Variants in INO80C observed in about 807,000 individuals in gnomAD.
INO80C encodes the protein IES6 homolog.
A neutral mutation model predicts 17.7 loss-of-function variants in INO80C; 17 were observed. That is an observed-to-expected ratio of 0.96 (90% CI 0.66 to 1.44). INO80C has a LOEUF of 1.44. Among genes scored for constraint, INO80C ranks in the 40% most tolerant of loss-of-function variants. The pLI is 0.00. For synonymous variants in INO80C, 96 were observed against 95.8 expected (o/e 1.00, Z -0.01); for missense variants, 244 against 245.0 (o/e 1.00, Z 0.03).
intron 4 of INO80C, among the ~76,000 whole-genome samples, chr18:35,477,407 C>T (rs1052283202): frequency 2.6e-5 from 4 of 152,054 alleles, no homozygotes; most frequent in Admixed American, 6.6e-5. Flanking sequence ...AATTCTCCTC[C>T]GTACATAATT....
intron 3 of INO80C, 26 bp downstream of exon 3, chr18:35,479,274 C>T: frequency 7.2e-7 from 1 of 1,392,248 alleles, no homozygotes; most frequent in South Asian, 1.2e-5. Flanking sequence ...ACATTACAAA[C>T]ACATGGAAGG....
intron 1 of INO80C, among the ~76,000 whole-genome samples, chr18:35,485,232 CA>C (rs371505763): frequency 7.9e-4 from 120 of 152,054 alleles, no homozygotes; most frequent in Middle Eastern, 3.4e-3. Context: ...TAACAGCACC[CA>C]AAAAATGATA....
At chr18:35,473,395 C>T (rs1200117897) in intron 4 of INO80C, among the ~76,000 whole-genome samples, 1 of 152,188 alleles carries the variant, frequency 6.6e-6, no homozygotes, top group Non-Finnish European at 1.5e-5. Context: ...GTGACAATTT[C>T]CTGACCATGG....
chr18:35,484,010 T>C (rs750486309), intron 1 of INO80C, among the ~76,000 whole-genome samples: 18 of 152,146 alleles, frequency 1.2e-4, no homozygotes, highest in Non-Finnish European at 1.9e-4. Flanking sequence ...TTCACTTGTG[T>C]TTCAAATAAC....
At chr18:35,496,904 TA>T (rs958833723) in intron 1 of INO80C, 1 of 152,164 alleles carries the variant, frequency 6.6e-6, no homozygotes, top group African/African-American at 2.4e-5. Context: ...TATTTAATAT[TA>T]AAAGGTTAAA....
intron 1 of INO80C, 66 bp downstream of exon 1, chr18:35,497,653 T>C: frequency 6.4e-7 from 1 of 1,550,980 alleles, no homozygotes; most frequent in Non-Finnish European, 8.7e-7. Context: ...GCGCCCTGGC[T>C]CGGCTCCGCC....
chr18:35,485,593 G>T (rs1030394172), intron 1 of INO80C, among the ~76,000 whole-genome samples: 8 of 151,960 alleles, frequency 5.3e-5, no homozygotes, highest in African/African-American at 1.7e-4. Flanking sequence ...TACATTGCTG[G>T]TAAGAACGTA....
intron 4 of INO80C, among the ~76,000 whole-genome samples, chr18:35,474,048 C>T (rs1271552548): frequency 6.6e-6 from 1 of 150,996 alleles, no homozygotes; most frequent in Non-Finnish European, 1.5e-5. Context: ...AAATGTGACG[C>T]ACAGTTAAGA....
chr18:35,496,554 A>T (rs2045983224), intron 1 of INO80C, among the ~76,000 whole-genome samples: 1 of 152,110 alleles, frequency 6.6e-6, no homozygotes, highest in South Asian at 2.1e-4. Flanking sequence ...CTGGATCTGT[A>T]GTTTTGTTTT....
chr18:35,479,621 C>T (rs2045781173), intron 2 of INO80C, among the ~76,000 whole-genome samples: 1 of 151,942 alleles, frequency 6.6e-6, no homozygotes, highest in Admixed American at 6.6e-5. Context: ...TGTCAAAACC[C>T]TTGAGTTAGT....
At position 35,468,366 on chromosome 18, in the gene INO80C, G is replaced by A; in HGVS notation, c.*245C>T. 1 of 1,340,838 alleles carries A rather than the reference G, an allele frequency of 7.5e-7. No homozygotes were observed. Among genetic ancestry groups the A allele is most frequent in the Non-Finnish European group, 9.6e-7 (1 of 1,043,606 alleles). 83.1% of individuals were successfully genotyped at this position (1,340,838 alleles called of 1,614,324 possible). On this transcript the variant is annotated 3_prime_UTR_variant, in exon 5 of 5. Coordinates refer to ENST00000334598, the MANE Select transcript of INO80C (RefSeq NM_194281.4). ...AAGTATGGTTTTATTGTATCTTCTT[G>A]TCAAACACCTTTACTTGAGGCAACA...
intron 1 of INO80C, among the ~76,000 whole-genome samples, chr18:35,494,076 C>T (rs1024084012): frequency 6.6e-6 from 1 of 152,218 alleles, no homozygotes; most frequent in Non-Finnish European, 1.5e-5. Flanking sequence ...GTCCCTCTGC[C>T]TCCCTACCTC....
At chr18:35,483,634 G>A (rs945116273) in intron 1 of INO80C, 2 of 152,210 alleles carry the variant, frequency 1.3e-5, no homozygotes, top group Admixed American at 1.3e-4. Context: ...ACTGATCAAT[G>A]TTAAGGAACA....
chr18:35,481,034 T>C (rs571902424), intron 1 of INO80C, among the ~76,000 whole-genome samples: 29 of 152,298 alleles, frequency 1.9e-4, no homozygotes, highest in African/African-American at 6.7e-4. Context: ...CCACTGATCT[T>C]ATGAACTCTG....
chr18:35,489,942 T>C (rs1343848075), intron 1 of INO80C, among the ~76,000 whole-genome samples: 1 of 151,882 alleles, frequency 6.6e-6, no homozygotes, highest in Non-Finnish European at 1.5e-5. Context: ...ACTGTCCTTA[T>C]GTAAGAGAAT....
chr18:35,493,947 AT>A (rs1159625502), intron 1 of INO80C, among the ~76,000 whole-genome samples: 1 of 152,220 alleles, frequency 6.6e-6, no homozygotes, highest in Non-Finnish European at 1.5e-5. Context: ...ACAATCATTT[AT>A]AGAAAAACAC....
chr18:35,492,485 A>G (rs1297578108), intron 1 of INO80C, among the ~76,000 whole-genome samples: 1 of 152,224 alleles, frequency 6.6e-6, no homozygotes, highest in African/African-American at 2.4e-5. Flanking sequence ...TAGAAAACAC[A>G]AATTATAATA....
chr18:35,476,239 G>A (rs1263564087), intron 4 of INO80C, among the ~76,000 whole-genome samples: 1 of 152,188 alleles, frequency 6.6e-6, no homozygotes, highest in Non-Finnish European at 1.5e-5. Flanking sequence ...TACCTGACTA[G>A]TGCTCCTTAA....
Position 35,480,508 on chromosome 18 carries a change from G to A in INO80C, c.212C>T (p.Thr71Ile), listed in dbSNP as rs1224120999. 1 of 1,613,990 alleles carries A rather than the reference G, an allele frequency of 6.2e-7. No homozygotes were observed. The highest frequency in any genetic ancestry group is 1.7e-5 in the Admixed American group (1 of 60,006). ...TTTGGCAGCTTTTTCCACAGGTCCT[G>A]TGCTAAACTCAGAGGGCACCATTTT... ...ENKMVPSEFS[T>I]GPVEKAAKPL... Residue 71 changes from threonine to isoleucine, a missense_variant, in exon 2 of 5, where the codon ACA becomes ATA. By Grantham distance (89) the Thr-to-Ile change is moderately conservative (BLOSUM62 -1). Transcript: ENST00000334598.
Sources: allele counts gnomAD v4.1 joint callset (sites outside exome capture counted in the v4.1 genomes callset), GRCh38; gene constraint gnomAD v4.1.1; transcripts MANE v1.5; gene names NCBI Gene and HGNC (gene_info 2026-07-23, HGNC 2026-07-21).